Variants in ADAM7 observed in about 807,000 individuals in gnomAD.
The protein encoded by ADAM7 is ADAM metallopeptidase domain 7.
In ADAM7, 97 loss-of-function variants were observed where a neutral mutation model predicts 102.9. That is an observed-to-expected ratio of 0.94 (90% CI 0.80 to 1.12). The LOEUF is 1.12. Ranked by LOEUF, ADAM7 falls within the 50% of genes most tolerant of loss-of-function variation. The pLI is 0.00. For missense variants in ADAM7, 991 were observed against 908.7 expected, an observed-to-expected ratio of 1.09 and a Z score of -1.16; for synonymous variants, 334 against 304.4, an observed-to-expected ratio of 1.10 and a Z score of -1.01.
chr8:24,475,394 A>C (rs973571102), intron 7 of ADAM7, among the ~76,000 whole-genome samples: 7 of 152,220 alleles, frequency 4.6e-5, no homozygotes, highest in Admixed American at 1.3e-4. Context: ...ACAATAAAAT[A>C]GTAGGAGTGT....
intron 3 of ADAM7, 138 bp from the exon 4 acceptor site, chr8:24,463,744 T>G (rs1204954159): frequency 9.6e-6 from 6 of 625,598 alleles, no homozygotes; most frequent in Non-Finnish European, 1.6e-5. Context: ...GGGCTTGATT[T>G]TGCTTTACTA....
At chr8:24,461,973 A>G (rs1819257720) in intron 3 of ADAM7, among the ~76,000 whole-genome samples, 1 of 152,238 alleles carries the variant, frequency 6.6e-6, no homozygotes, top group Non-Finnish European at 1.5e-5. Flanking sequence ...TTAACTTGAG[A>G]TAAGCCTCTG....
At chr8:24,460,766 TG>T (rs1819213374) in intron 3 of ADAM7, among the ~76,000 whole-genome samples, 1 of 80,182 alleles carries the variant, frequency 1.2e-5, no homozygotes, top group Admixed American at 1.1e-4. Context: ...TGTGTGTGTG[TG>T]TATATATATA....
At chr8:24,504,304 ACTG>A (rs1211264737) in intron 20 of ADAM7, among the ~76,000 whole-genome samples, 4 of 152,002 alleles carry the variant, frequency 2.6e-5, no homozygotes. Context: ...GGAGATCCAG[ACTG>A]CAGTGAGCTA....
chr8:24,482,455 G>C (rs770369737), intron 9 of ADAM7, 144 bp downstream of exon 9: 9 of 816,900 alleles, frequency 1.1e-5, no homozygotes, highest in Non-Finnish European at 1.5e-5. Flanking sequence ...TAGCTACACA[G>C]AAAATTTCCA....
At chr8:24,454,791 A>G (rs1425759457) in intron 3 of ADAM7, among the ~76,000 whole-genome samples, 2 of 152,018 alleles carry the variant, frequency 1.3e-5, no homozygotes, top group African/African-American at 4.8e-5. Flanking sequence ...CTATTCGTCC[A>G]TCTTGGCTGC....
At chr8:24,487,946 T>C (rs554092746) in intron 11 of ADAM7, among the ~76,000 whole-genome samples, 1 of 152,264 alleles carries the variant, frequency 6.6e-6, no homozygotes, top group Non-Finnish European at 1.5e-5. Context: ...TTTTGTCATC[T>C]TTTCTATAAG....
rs1819404406 is a variant in ADAM7, at chr8:24,465,786, A to G, written c.389+11A>G. On this transcript the variant is annotated intron_variant, in intron 5 of 21. Coordinates refer to ENST00000175238, the MANE Select transcript of ADAM7 (RefSeq NM_003817.4). ...GTGTAATGGTCTAAGGTAATGCAGA[A>G]TATCTTTCTTTTTCCTTTATGAGTT... 5 of 1,570,284 alleles carry G rather than the reference A, an allele frequency of 3.2e-6. No homozygotes were observed. The highest frequency in any genetic ancestry group is 1.7e-4 in the Middle Eastern group (1 of 5,896).
chr8:24,474,479 T>G (rs552709301), intron 7 of ADAM7, among the ~76,000 whole-genome samples: 84 of 152,232 alleles, frequency 5.5e-4, no homozygotes, highest in African/African-American at 1.7e-3. Flanking sequence ...ATATTTAAGG[T>G]TTTCTTTATT....
rs1401615200 is a variant in ADAM7, at chr8:24,450,859, AG to A, written c.233+3600del. 9.2e-5 allele frequency among the ~76,000 whole-genome samples: 14 copies of A among 152,282 alleles called. No individual in the cohort carries two copies. The East Asian group carries it at 1.9e-3, about 21-fold the overall frequency. ...AATGTATTGAGAGTTTTTAGCATGAAGGGTTGTTGAATTTTGTCAGAGGCCT... is the reference window on the plus strand; with the variant it reads ...AATGTATTGAGAGTTTTTAGCATGAAGGTTGTTGAATTTTGTCAGAGGCCT... On this transcript the variant is annotated intron_variant, in intron 3 of 21. Transcript: ENST00000175238.
chr8:24,487,144 T>A (rs1241163768), intron 10 of ADAM7, 43 bp from the exon 11 acceptor site: 6 of 1,597,266 alleles, frequency 3.8e-6, no homozygotes, highest in Non-Finnish European at 4.3e-6. Flanking sequence ...TACTACAGTA[T>A]GCTAACTTTT....
At chr8:24,505,606 A>G (rs1367965160) in intron 20 of ADAM7, among the ~76,000 whole-genome samples, 2 of 152,040 alleles carry the variant, frequency 1.3e-5, no homozygotes, top group African/African-American at 4.8e-5. Context: ...TCTTTTACCT[A>G]TTACGTTAAT....
chr8:24,505,553 G>T (rs1042389396), intron 20 of ADAM7, among the ~76,000 whole-genome samples: 1 of 152,096 alleles, frequency 6.6e-6, no homozygotes, highest in African/African-American at 2.4e-5. Context: ...TCAAAGACCA[G>T]TCCTCAGCAA....
intron 2 of ADAM7, among the ~76,000 whole-genome samples, 163 bp from the exon 3 acceptor site, chr8:24,447,023 A>C (rs866453310): frequency 1.3e-5 from 2 of 151,814 alleles, no homozygotes; most frequent in Non-Finnish European, 2.9e-5. Context: ...TCTTCCTTCT[A>C]ATATTAGCTC....
chr8:24,452,310 C>G (rs1267094712), intron 3 of ADAM7, among the ~76,000 whole-genome samples: 1 of 149,932 alleles, frequency 6.7e-6, no homozygotes, highest in African/African-American at 2.4e-5. Context: ...TCACTCAGGA[C>G]TTGCTTTACG....
At chr8:24,441,245 T>C (rs1253244374) in intron 1 of ADAM7, 85 bp downstream of exon 1, 1 of 1,315,710 alleles carries the variant, frequency 7.6e-7, no homozygotes, top group Non-Finnish European at 1.1e-6. Flanking sequence ...CTGTAAGTGA[T>C]AAAAACATTA....
rs182851496 is a variant in ADAM7 at position 24,442,447 on chromosome 8, T to G, written c.53-26T>G. On this transcript the variant is annotated intron_variant, in intron 1 of 21. Transcript: ENST00000175238. The stretch of plus-strand genomic sequence containing the variant: ...TAGACGAATGTTAATGTCAGACGGA[T>G]TTTTTCCTCTTATGTTTCCTCGTAG... 5 of 1,512,370 alleles carry G rather than the reference T, an allele frequency of 3.3e-6. No individual in the cohort carries two copies. The East Asian group carries it at 9.0e-5, about 27-fold the overall frequency. 93.7% of individuals were successfully genotyped at this position (1,512,370 alleles called of 1,614,324 possible). A position where few individuals can be genotyped will look rare whatever the true frequency, so the allele number is the denominator to read the frequency against.
intron 17 of ADAM7, 61 bp from the exon 18 acceptor site, chr8:24,500,117 T>C (rs1820704334): frequency 1.4e-6 from 2 of 1,458,770 alleles, no homozygotes; most frequent in African/African-American, 1.4e-5. Context: ...CTAAAGTAAG[T>C]GAGTTGCAGA....
intron 3 of ADAM7, among the ~76,000 whole-genome samples, chr8:24,459,166 G>A (rs990261751): frequency 6.6e-6 from 1 of 151,706 alleles, no homozygotes; most frequent in Non-Finnish European, 1.5e-5. Context: ...GTAGGAAAGA[G>A]GTTTTATAAC....
Sources: allele counts gnomAD v4.1 joint callset (sites outside exome capture counted in the v4.1 genomes callset), GRCh38; gene constraint gnomAD v4.1.1; transcripts MANE v1.5; gene names NCBI Gene and HGNC (gene_info 2026-07-23, HGNC 2026-07-21).